The following EPHA4 variants were observed in gnomAD, a reference collection of about 807,000 sequenced individuals.
The protein encoded by EPHA4 is ephrin type-A receptor 4.
A neutral mutation model predicts 108.3 loss-of-function variants in EPHA4; 19 were observed. The ratio of observed to expected loss-of-function variants is 0.18; its 90% CI spans 0.12 to 0.26. The LOEUF (loss-of-function observed/expected upper bound fraction) is 0.26. EPHA4 is among the 10% of genes least tolerant of loss of function. The probability of loss-of-function intolerance (pLI) is 1.00; values close to 1 mark genes in which losing one functional copy is unlikely to be tolerated. For missense variants in EPHA4, 917 were observed against 1,254.0 expected, an observed-to-expected ratio of 0.73 and a Z score of 4.06; for synonymous variants, 449 against 455.5, an observed-to-expected ratio of 0.99 and a Z score of 0.18.
chr2:221,477,883 A>AT (rs1345416638), intron 5 of EPHA4, among the ~76,000 whole-genome samples: 2 of 152,192 alleles, frequency 1.3e-5, no homozygotes, highest in Non-Finnish European at 2.9e-5. Context: ...TGCATCAAAT[A>AT]TTTTAACTCC....
intron 4 of EPHA4, among the ~76,000 whole-genome samples, chr2:221,497,394 C>T (rs115485155): frequency 6.6e-6 from 1 of 152,100 alleles, no homozygotes; most frequent in Admixed American, 6.5e-5. Context: ...ACTTTGTTTC[C>T]TCTTAACTGA....
intron 4 of EPHA4, among the ~76,000 whole-genome samples, chr2:221,499,370 T>C (rs1692401818): frequency 6.6e-6 from 1 of 150,972 alleles, no homozygotes; most frequent in Admixed American, 6.6e-5. Flanking sequence ...TTCTATAAAA[T>C]AAAGATTATA....
intron 3 of EPHA4, among the ~76,000 whole-genome samples, chr2:221,526,475 C>T (rs1299729625): frequency 6.6e-6 from 1 of 151,618 alleles, no homozygotes; most frequent in Admixed American, 6.6e-5. Context: ...AGGTCATGAG[C>T]CTGATATACA....
At chr2:221,481,411 G>A (rs949582568) in intron 5 of EPHA4, among the ~76,000 whole-genome samples, 1 of 143,194 alleles carries the variant, frequency 7.0e-6, no homozygotes, top group Admixed American at 7.5e-5. Flanking sequence ...CAGCCCTTTG[G>A]GAGGCCAAGG....
chr2:221,424,143 T>A (rs1046331933), intron 17 of EPHA4, among the ~76,000 whole-genome samples: 55 of 140,274 alleles, frequency 3.9e-4, no homozygotes, highest in African/African-American at 1.3e-3. Flanking sequence ...AATAATAATT[T>A]TTTTTTTTTA....
intron 3 of EPHA4, among the ~76,000 whole-genome samples, chr2:221,520,766 G>T (rs1221363497): frequency 6.6e-6 from 1 of 152,092 alleles, no homozygotes; most frequent in Non-Finnish European, 1.5e-5. Context: ...AGCTGGTGAC[G>T]CTGAACAAAT....
intron 4 of EPHA4, among the ~76,000 whole-genome samples, chr2:221,487,330 G>C (rs1016478495): frequency 1.3e-5 from 2 of 152,202 alleles, no homozygotes; most frequent in Admixed American, 6.5e-5. Flanking sequence ...GTCAGAGCAA[G>C]CACCTGCCTT....
At chr2:221,485,178 A>T (rs896103395) in intron 4 of EPHA4, among the ~76,000 whole-genome samples, 1 of 152,228 alleles carries the variant, frequency 6.6e-6, no homozygotes, top group Admixed American at 6.5e-5. Context: ...GCAAAAAGTC[A>T]GTAATTAGTA....
intron 3 of EPHA4, among the ~76,000 whole-genome samples, chr2:221,537,725 G>A (rs549650342): frequency 2.0e-5 from 3 of 152,230 alleles, no homozygotes; most frequent in Non-Finnish European, 4.4e-5. Flanking sequence ...AAGAGTTGGA[G>A]GCTGCAATGA....
chr2:221,438,767 AGAGT>A (rs560969208), intron 11 of EPHA4, among the ~76,000 whole-genome samples: 134 of 151,952 alleles, frequency 8.8e-4, no homozygotes, highest in African/African-American at 3.0e-3. Context: ...CCTGGGTGAC[AGAGT>A]GAGAGTCATT....
upstream of EPHA4, chr2:221,573,759 C>A (rs1694922057): frequency 6.6e-6 from 1 of 152,202 alleles, no homozygotes; most frequent in African/African-American, 2.4e-5. The surrounding 1 kb of genome is among the most constrained non-coding windows in gnomAD (Gnocchi z 4.5). Context: ...AGACCGCAAC[C>A]CGCAATCCGC....
At chr2:221,427,506 T>C (rs1574553359) in intron 15 of EPHA4, among the ~76,000 whole-genome samples, 1 of 152,194 alleles carries the variant, frequency 6.6e-6, no homozygotes, top group South Asian at 2.1e-4. Context: ...CATCACCCAA[T>C]TGCTGAATAA....
At chr2:221,565,880 A>G (rs986425889) in intron 2 of EPHA4, among the ~76,000 whole-genome samples, 1 of 152,192 alleles carries the variant, frequency 6.6e-6, no homozygotes, top group African/African-American at 2.4e-5. Context: ...ATTTGGAAAA[A>G]CACATTTGTC....
intron 11 of EPHA4, 57 bp downstream of exon 11, chr2:221,442,772 G>T: frequency 6.4e-7 from 1 of 1,562,860 alleles, no homozygotes; most frequent in Non-Finnish European, 8.8e-7. Context: ...AAGAAAATGT[G>T]TGTTTAATTT....
intron 3 of EPHA4, among the ~76,000 whole-genome samples, chr2:221,531,118 G>A (rs575685918): frequency 6.6e-6 from 1 of 152,102 alleles, no homozygotes; most frequent in African/African-American, 2.4e-5. Flanking sequence ...AGAAAGCAAG[G>A]ACAAGTGAGA....
chr2:221,424,742 G>A (rs749928196), intron 17 of EPHA4, among the ~76,000 whole-genome samples: 5 of 152,224 alleles, frequency 3.3e-5, no homozygotes, highest in African/African-American at 7.2e-5. Context: ...GACAGAAAAT[G>A]AGGCTAATGG....
At chr2:221,451,912 TGTA>T (rs1413017118) in intron 8 of EPHA4, among the ~76,000 whole-genome samples, 2 of 152,216 alleles carry the variant, frequency 1.3e-5, no homozygotes, top group African/African-American at 4.8e-5. Context: ...CTGAAAAAAG[TGTA>T]GATTATTCTG....
At chr2:221,481,155 G>A (rs1437027774) in intron 5 of EPHA4, among the ~76,000 whole-genome samples, 1 of 152,192 alleles carries the variant, frequency 6.6e-6, no homozygotes, top group African/African-American at 2.4e-5. Flanking sequence ...AGATGAGTAA[G>A]TCAGAAGCGA....
chr2:221,564,154 C>T lies in EPHA4; in HGVS notation c.400G>A (p.Glu134Lys). Residue 134 changes from glutamate (E) to lysine (K), a missense_variant, in exon 3 of 18, where the codon GAG becomes AAG. Around this residue, in one of 3 missense-constraint regions of EPHA4, gnomAD observed 758 missense variants for 1,076.7 expected, o/e 0.70. Transcript: ENST00000281821. ...LYYYESDNDKERFIRENQFVK... is the reference protein window; with the variant it reads ...LYYYESDNDKKRFIRENQFVK... ...AACTGGTTCTCTCTGATGAAACGCT[C>T]TTTGTCGTTGTCTGATTCATAGTAG... 1 of 1,614,134 alleles carries T rather than the reference C, an allele frequency of 6.2e-7. No individual in the cohort carries two copies. The highest frequency in any genetic ancestry group is 8.5e-7 in the Non-Finnish European group (1 of 1,180,024).
Sources: allele counts gnomAD v4.1 joint callset (sites outside exome capture counted in the v4.1 genomes callset), GRCh38; gene constraint gnomAD v4.1.1; regional missense constraint gnomAD v4.1.1; non-coding constraint Gnocchi (gnomAD v3.1); transcripts MANE v1.5; gene names NCBI Gene and HGNC (gene_info 2026-07-23, HGNC 2026-07-21).